The following IFI6 variants were observed in gnomAD, a reference collection of about 807,000 sequenced individuals.
The protein encoded by IFI6 is interferon alpha inducible protein 6, also known as interferon alpha-inducible protein 6.
In IFI6, 10 loss-of-function variants were observed where a neutral mutation model predicts 12.7. The ratio of observed to expected loss-of-function variants is 0.79; its 90% CI spans 0.49 to 1.33. The LOEUF is 1.33. Among genes scored for constraint, IFI6 ranks in the 40% most tolerant of loss-of-function variants. IFI6 has a pLI of 0.00. For synonymous variants in IFI6, 89 were observed against 86.2 expected (o/e 1.03, Z -0.18); for missense variants, 154 against 180.4 (o/e 0.85, Z 0.84).
chr1:27,669,190 T>TCCTTACCTGCACCCTTACCTGTCC (rs1341175591), intron 2 of IFI6, 55 bp downstream of exon 2: 5 of 1,531,430 alleles, frequency 3.3e-6, no homozygotes, highest in South Asian at 2.4e-5. Flanking sequence ...CTTACTTGCA[T>TCCTTACCTGCACCCTTACCTGTCC]CCTTACCTGC....
chr1:27,666,423 G>A lies in IFI6; in HGVS notation c.351C>T (p.Tyr117=), dbSNP rs374664445. The A allele has an allele frequency of 9.3e-6, 15 of 1,613,610 alleles. No individual in the cohort carries two copies. In the African/African-American group the frequency reaches 1.3e-4, roughly 14 times the overall value. Residue 117 remains tyrosine (Y), a synonymous_variant, in exon 5 of 5, where the codon TAC becomes TAT. Coordinates refer to ENST00000361157, the MANE Select transcript of IFI6 (RefSeq NM_002038.4). ...VIGNIGALMG[Y]ATHKYLDSEE... ...CACTATCGAGATACTTGTGGGTGGCGTAGCCCATCAGGGCACCAATATTAC... is the reference window on the plus strand; with the variant it reads ...CACTATCGAGATACTTGTGGGTGGCATAGCCCATCAGGGCACCAATATTAC...
At chr1:27,667,398 G>A (rs1254851554) in intron 4 of IFI6, among the ~76,000 whole-genome samples, 2 of 152,086 alleles carry the variant, frequency 1.3e-5, no homozygotes, top group Non-Finnish European at 2.9e-5. Flanking sequence ...CTGGCAGTGT[G>A]AGACCTTGTT....
intron 4 of IFI6, 146 bp downstream of exon 4, chr1:27,668,080 A>C: frequency 1.2e-6 from 1 of 855,236 alleles, no homozygotes; most frequent in Non-Finnish European, 1.7e-6. Flanking sequence ...GTCTCAAAAT[A>C]AATAAATAAA....
At chr1:27,668,645 C>G in intron 2 of IFI6, 110 bp from the exon 3 acceptor site, 2 of 815,046 alleles carry the variant, frequency 2.5e-6, no homozygotes, top group South Asian at 1.7e-5. Flanking sequence ...CCACCACTCT[C>G]CTACTCAGAG....
chr1:27,668,587 G>T, intron 2 of IFI6, 52 bp from the exon 3 acceptor site: 1 of 1,458,700 alleles, frequency 6.9e-7, no homozygotes, highest in Non-Finnish European at 9.4e-7. Context: ...GGACACAGGG[G>T]TCCCCTACTC....
Position 27,668,449 on chromosome 1 carries a change from C to G in IFI6, c.148+9G>C. 6.2e-7 allele frequency: 1 copy of G among 1,609,116 alleles called. No homozygotes were observed. Among genetic ancestry groups the G allele is most frequent in the Non-Finnish European group, 8.5e-7 (1 of 1,177,864 alleles). On this transcript the variant is annotated intron_variant, in intron 3 of 4. Transcript: ENST00000361157. ...CCGCCTGCCCGAGATCCTCGCCCTCCAGACCCACCTCCTCCGACGGCCATG... is the reference window on the plus strand; with the variant it reads ...CCGCCTGCCCGAGATCCTCGCCCTCGAGACCCACCTCCTCCGACGGCCATG...
chr1:27,669,010 TCCTTACCCGCAC>T lies in IFI6; in HGVS notation c.70+223_70+234del, dbSNP rs1557756229. Among the ~76,000 whole-genome samples, 5 of 148,770 alleles carry T rather than the reference TCCTTACCCGCAC, an allele frequency of 3.4e-5. No homozygotes were observed. The South Asian group carries it at 8.6e-4, about 26-fold the overall frequency. On this transcript the variant is annotated intron_variant, in intron 2 of 4. Coordinates refer to ENST00000361157, the MANE Select transcript of IFI6 (RefSeq NM_002038.4). ...ATCCTTACCTGCATCCTTACCCGCATCCTTACCCGCACCCTTACCTGCATCCTTACCTGCATC... is the reference window on the plus strand; with the variant it reads ...ATCCTTACCTGCATCCTTACCCGCATCCTTACCTGCATCCTTACCTGCATC...
intron 4 of IFI6, among the ~76,000 whole-genome samples, chr1:27,667,187 T>G (rs2090358443): frequency 7.4e-6 from 1 of 135,394 alleles, no homozygotes; most frequent in Non-Finnish European, 1.5e-5. Flanking sequence ...GAGGATTGCT[T>G]GAGCCCAGGA....
At chr1:27,666,586 G>A (rs1037744860) in intron 4 of IFI6, 111 bp from the exon 5 acceptor site, 2 of 663,988 alleles carry the variant, frequency 3.0e-6, no homozygotes, top group Non-Finnish European at 2.6e-6. Flanking sequence ...TGGAGAAACA[G>A]AGGCCCTGAG....
At chr1:27,670,840 T>G (rs1395730363) in intron 1 of IFI6, among the ~76,000 whole-genome samples, 1 of 152,102 alleles carries the variant, frequency 6.6e-6, no homozygotes, top group Non-Finnish European at 1.5e-5. Flanking sequence ...CCCTCTCCCC[T>G]CCCCAGAGGA....
Position 27,666,381 on chromosome 1 carries a change from C to A in IFI6, c.393G>T (p.Ter131TyrextTer13). The A allele has an allele frequency of 3.1e-6, 5 of 1,595,418 alleles. No homozygotes were observed. Among genetic ancestry groups the A allele is most frequent in the Non-Finnish European group, 4.3e-6 (5 of 1,168,470 alleles). ...KYLDSEEDEE[*>Y] ...AAGAAGAGGTTCTGGGAGCTGCTGGCTACTCCTCATCCTCCTCACTATCGA... is the reference window on the plus strand; with the variant it reads ...AAGAAGAGGTTCTGGGAGCTGCTGGATACTCCTCATCCTCCTCACTATCGA... The change falls in exon 5 of 5, where the codon TAG (stop) becomes TAT (tyrosine). Residue 131 changes from the stop codon to tyrosine (Y), a stop_lost. Transcript: ENST00000361157.
chr1:27,669,734 A>C (rs2090390013), intron 1 of IFI6: 1 of 228,584 alleles, frequency 4.4e-6, no homozygotes, highest in African/African-American at 2.3e-5. Flanking sequence ...TCTATTTCAG[A>C]GGGTACTTGT....
intron 1 of IFI6, chr1:27,670,469 T>C (rs1262841998): frequency 6.6e-6 from 1 of 151,936 alleles, no homozygotes; most frequent in African/African-American, 2.4e-5. Context: ...TTTTTTTTTT[T>C]TGAGATGGGG....
intron 1 of IFI6, chr1:27,669,620 G>T: frequency 2.4e-6 from 1 of 412,940 alleles, no homozygotes. Context: ...CATGACTGTG[G>T]TTGTTCCTGG....
In IFI6 at chr1:27,670,245, T is replaced by TTTAC. The variant is rs1571434866; in HGVS notation, c.-32-903_-32-900dup. The TTTAC allele has an allele frequency of 2.0e-5, 3 of 151,976 alleles. No individual in the cohort carries two copies. The East Asian group carries it at 5.8e-4, about 29-fold the overall frequency. The allele number at this position is 151,976 out of a possible 1,614,324, so 9.4% of individuals were successfully genotyped here. On this transcript the variant is annotated intron_variant, in intron 1 of 4. Transcript: ENST00000361157. ...CAGCTCACAGAACTCAGGGAAACAC[T>TTTAC]TTACTTACATATACTGGTTTCTTTC...
intron 1 of IFI6, among the ~76,000 whole-genome samples, chr1:27,671,702 TA>T (rs2090405843): frequency 6.6e-6 from 1 of 152,090 alleles, no homozygotes; most frequent in Non-Finnish European, 1.5e-5. Flanking sequence ...CCCACATTTT[TA>T]ACAACCACTC....
chr1:27,666,308 A>AAAAC lies in IFI6; in HGVS notation c.*72_*73insGTTT. 1 of 778,648 alleles carries AAAAC rather than the reference A, an allele frequency of 1.3e-6. No individual in the cohort carries two copies. Among genetic ancestry groups the AAAAC allele is most frequent in the East Asian group, 2.9e-5 (1 of 34,048 alleles). The allele number at this position is 778,648 out of a possible 1,614,324, so 48.2% of individuals were successfully genotyped here. A position where few individuals can be genotyped will look rare whatever the true frequency, so the allele number is the denominator to read the frequency against. Reference sequence around the variant, plus strand: ...CCATCTCAAAAAAAAAAAAAAAAAAAAAAAGGCAAAGTTCTAGATCCTAAC... The same window carrying AAAAC: ...CCATCTCAAAAAAAAAAAAAAAAAAAAAACAAAAGGCAAAGTTCTAGATCCTAAC... On this transcript the variant is annotated 3_prime_UTR_variant, in exon 5 of 5. Coordinates refer to ENST00000361157, the MANE Select transcript of IFI6 (RefSeq NM_002038.4).
rs772371836 is a variant in IFI6 at position 27,668,361 on chromosome 1, C to G, written c.163G>C (p.Gly55Arg). 1 of 1,566,610 alleles carries G rather than the reference C, an allele frequency of 6.4e-7. No homozygotes were observed. Among genetic ancestry groups the G allele is most frequent in the South Asian group, 1.2e-5 (1 of 85,952 alleles). The change falls in exon 4 of 5, where the codon GGG (glycine) becomes CGG (arginine). Residue 55 changes from glycine (G) to arginine (R), a missense_variant. Transcript: ENST00000361157. ...MAVGGGLAVA[G>R]LPALGFTGAG... Reference sequence around the variant, plus strand: ...CCGGTGAAGCCCAGCGCGGGCAGCCCGGCGACTGCGAGTCCTGGAGGAACA... The same window carrying G: ...CCGGTGAAGCCCAGCGCGGGCAGCCGGGCGACTGCGAGTCCTGGAGGAACA...
Position 27,668,294 on chromosome 1 carries a change from CTCA to C in IFI6, c.227_229del (p.Met76del), listed in dbSNP as rs757123404. On this transcript the variant is annotated inframe_deletion, in exon 4 of 5. Coordinates refer to ENST00000361157, the MANE Select transcript of IFI6 (RefSeq NM_002038.4). ...GCCCCCATTCAGGATCGCAGACCAG[CTCA>C]TCAGCGAGGCAGCCACCGAGTTGGC... The C allele has an allele frequency of 1.3e-6, 2 of 1,582,956 alleles. No homozygotes were observed. The highest frequency in any genetic ancestry group is 1.1e-5 in the South Asian group (1 of 87,770).
Sources: allele counts gnomAD v4.1 joint callset (sites outside exome capture counted in the v4.1 genomes callset), GRCh38; gene constraint gnomAD v4.1.1; transcripts MANE v1.5; gene names NCBI Gene and HGNC (gene_info 2026-07-23, HGNC 2026-07-21).